The following CAMK1G variants were observed in gnomAD, a reference collection of about 807,000 sequenced individuals.
The protein encoded by CAMK1G is calcium/calmodulin-dependent protein kinase type 1G.
A neutral mutation model predicts 54.8 loss-of-function variants in CAMK1G; 27 were observed. The observed-to-expected ratio is 0.49, with a 90% CI of 0.36 to 0.68. The LOEUF (loss-of-function observed/expected upper bound fraction) is 0.68. Among genes scored for constraint, CAMK1G ranks in the 30% least tolerant of loss-of-function variants. The probability of loss-of-function intolerance (pLI) is 0.00; values close to 1 mark genes in which losing one functional copy is unlikely to be tolerated. For missense variants in CAMK1G, 512 were observed against 591.0 expected (o/e 0.87, Z 1.39); for synonymous variants, 238 against 224.9 (o/e 1.06, Z -0.52).
intron 1 of CAMK1G, 125 bp from the exon 2 acceptor site, chr1:209,594,830 G>T (rs1316354748): frequency 3.3e-6 from 2 of 597,696 alleles, no homozygotes; most frequent in African/African-American, 1.9e-5. Flanking sequence ...ATCCAGGTTT[G>T]CTCCTAATCC....
chr1:209,610,843 G>A (rs12403733), intron 9 of CAMK1G, among the ~76,000 whole-genome samples: 4,778 of 152,216 alleles, frequency 0.031, 286 homozygotes, highest in East Asian at 0.27. Context: ...TCTATTAGTA[G>A]TTGGCACAGT....
At position 209,600,179 on chromosome 1, in the gene CAMK1G, A is replaced by T. The variant is rs181686876; in HGVS notation, c.221+68A>T. On this transcript the variant is annotated intron_variant, in intron 3 of 12. Coordinates refer to ENST00000361322, the MANE Select transcript of CAMK1G (RefSeq NM_020439.3). Reference sequence around the variant, plus strand: ...ACATTTTCTTCACAAATTACCTTCAAAAAGGACTAGGACTGGATTTCTGCA... The same window carrying T: ...ACATTTTCTTCACAAATTACCTTCATAAAGGACTAGGACTGGATTTCTGCA... The T allele has an allele frequency of 5.1e-6, 8 of 1,568,380 alleles. No individual in the cohort carries two copies. The South Asian group carries it at 9.1e-5, about 18-fold the overall frequency.
intron 4 of CAMK1G, among the ~76,000 whole-genome samples, chr1:209,604,651 C>G (rs1376701232): frequency 1.3e-5 from 2 of 152,116 alleles, no homozygotes; most frequent in Non-Finnish European, 2.9e-5. Context: ...GACTGGAACC[C>G]CTGGCTCACG....
Position 209,606,331 on chromosome 1 carries a change from G to A in CAMK1G, c.447G>A (p.Leu149=), listed in dbSNP as rs1027660856. The part of the protein sequence containing the change: ...IVHRDLKPEN[L]LYLTPEENSK... ...TTTTTCTCCTACAGCCCGAAAACCT[G>A]CTTTACCTTACCCCTGAAGAGAACT... is the stretch of plus-strand genomic sequence containing the variant. Residue 149 remains leucine (L), a synonymous_variant, in exon 6 of 13, where the codon CTG becomes CTA. Transcript: ENST00000361322. The A allele has an allele frequency of 1.2e-6, 2 of 1,613,940 alleles. No homozygotes were observed. Among genetic ancestry groups the A allele is most frequent in the Non-Finnish European group, 1.7e-6 (2 of 1,179,904 alleles).
intron 3 of CAMK1G, among the ~76,000 whole-genome samples, chr1:209,600,399 C>G (rs1330560324): frequency 6.6e-6 from 1 of 151,818 alleles, no homozygotes; most frequent in Admixed American, 6.6e-5. Context: ...CAATTGAGGG[C>G]CAACATCAGG....
chr1:209,586,237 T>C (rs537014558), intron 1 of CAMK1G, among the ~76,000 whole-genome samples: 1 of 152,296 alleles, frequency 6.6e-6, no homozygotes, highest in South Asian at 2.1e-4. Flanking sequence ...GGGATTGGGC[T>C]TGAAGGCGGT....
intron 1 of CAMK1G, among the ~76,000 whole-genome samples, chr1:209,585,477 A>G (rs1038558905): frequency 6.6e-6 from 1 of 152,218 alleles, no homozygotes; most frequent in Non-Finnish European, 1.5e-5. Flanking sequence ...TTGGAATCCA[A>G]TTCAGTTGTA....
Position 209,595,093 on chromosome 1 carries a change from G to A in CAMK1G, c.92+18G>A, listed in dbSNP as rs1292851528. 1.3e-6 allele frequency: 2 copies of A among 1,598,276 alleles called. No individual in the cohort carries two copies. The highest frequency in any genetic ancestry group is 1.7e-6 in the Non-Finnish European group (2 of 1,165,940). On this transcript the variant is annotated intron_variant, in intron 2 of 12. Transcript: ENST00000361322. ...CTGGGATCGTAAGTCCTGGGGCTGT[G>A]AGGTCGGGTGGGCTGGGCTGCCTGC...
intron 2 of CAMK1G, among the ~76,000 whole-genome samples, chr1:209,596,966 T>C (rs963975652): frequency 6.6e-6 from 1 of 152,196 alleles, no homozygotes; most frequent in African/African-American, 2.4e-5. Context: ...TCTGGTGTTC[T>C]AATGTATCTA....
At chr1:209,608,455 A>G (rs1036714272) in intron 7 of CAMK1G, among the ~76,000 whole-genome samples, 1 of 151,648 alleles carries the variant, frequency 6.6e-6, no homozygotes, top group Non-Finnish European at 1.5e-5. Context: ...ATCCCTCCTC[A>G]CCTATAGCAA....
chr1:209,607,760 T>G, intron 6 of CAMK1G, 98 bp from the exon 7 acceptor site: 5 of 925,118 alleles, frequency 5.4e-6, no homozygotes, highest in South Asian at 1.6e-5. Context: ...CATCCCACAG[T>G]CTTCCCCAGA....
intron 2 of CAMK1G, among the ~76,000 whole-genome samples, chr1:209,598,341 C>T (rs972022098): frequency 1.3e-5 from 2 of 152,194 alleles, no homozygotes; most frequent in African/African-American, 4.8e-5. Flanking sequence ...GAGTGATCAC[C>T]ACCACCTAAA....
At chr1:209,590,081 C>G (rs1161483036) in intron 1 of CAMK1G, among the ~76,000 whole-genome samples, 1 of 152,172 alleles carries the variant, frequency 6.6e-6, no homozygotes, top group African/African-American at 2.4e-5. Flanking sequence ...AGCTTTGAAA[C>G]CCAATGGAAA....
chr1:209,605,276 AG>A (rs1435575359), intron 4 of CAMK1G, among the ~76,000 whole-genome samples: 1 of 152,166 alleles, frequency 6.6e-6, no homozygotes, highest in Non-Finnish European at 1.5e-5. Context: ...CCCAACCAGA[AG>A]CATTTACATT....
rs1414855596 is a variant in CAMK1G at position 209,611,794 on chromosome 1, A to G, written c.918A>G (p.Gln306=). The G allele has an allele frequency of 1.9e-6, 3 of 1,613,140 alleles. No individual in the cohort carries two copies. Among genetic ancestry groups the G allele is most frequent in the Non-Finnish European group, 2.5e-6 (3 of 1,179,592 alleles). The change falls in exon 11 of 13, where the codon CAA becomes CAG. Residue 306 remains glutamine (Q), a splice_region_variant and synonymous_variant. Transcript: ENST00000361322. The part of the protein sequence containing the change: ...QKNFAKSKWR[Q]AFNAAAVVHH... ...AGGCTGCTCTTGTGTCTCCTTAGCA[A>G]GCCTTCAACGCAGCAGCTGTGGTGC...
rs971177196 is a variant in CAMK1G at position 209,605,476 on chromosome 1, C to T, written c.297-60C>T. 4.4e-6 allele frequency: 7 copies of T among 1,579,770 alleles called. No individual in the cohort carries two copies. The African/African-American group carries it at 8.1e-5, about 18-fold the overall frequency. On this transcript the variant is annotated intron_variant, in intron 4 of 12. Transcript: ENST00000361322. ...GTCCCCCAAGGCTTCAAAGCAAACA[C>T]CTTCTCATTACTTTGAGTGAAATGA...
At position 209,611,517 on chromosome 1, in the gene CAMK1G, C is replaced by T. The variant is rs1324043676; in HGVS notation, c.880C>T (p.Gln294Ter). 6.2e-7 allele frequency: 1 copy of T among 1,614,198 alleles called. No homozygotes were observed. The highest frequency in any genetic ancestry group is 1.1e-5 in the South Asian group (1 of 91,090). The part of the protein sequence containing the change: ...HRDIYPSVSL[Q>*]IQKNFAKSKW... The stretch of plus-strand genomic sequence containing the variant: ...GGACATCTACCCATCAGTCAGCCTC[C>T]AGATCCAGAAGAACTTTGCTAAGAG... Residue 294 changes from glutamine to a stop codon, truncating the protein, a stop_gained, in exon 10 of 13, where the codon CAG becomes TAG. Transcript: ENST00000361322. LOFTEE classifies it high-confidence loss of function.
chr1:209,609,638 G>T (rs1665734188), intron 8 of CAMK1G, among the ~76,000 whole-genome samples: 1 of 152,238 alleles, frequency 6.6e-6, no homozygotes, highest in Admixed American at 6.5e-5. Context: ...GTGCTGTGTG[G>T]GTGAGGCGGC....
At chr1:209,588,296 T>C (rs1297380469) in intron 1 of CAMK1G, among the ~76,000 whole-genome samples, 1 of 152,186 alleles carries the variant, frequency 6.6e-6, no homozygotes, top group Non-Finnish European at 1.5e-5. Context: ...CTATGATTGT[T>C]CCTACACTGT....
Sources: allele counts gnomAD v4.1 joint callset (sites outside exome capture counted in the v4.1 genomes callset), GRCh38; gene constraint gnomAD v4.1.1; transcripts MANE v1.5; gene names NCBI Gene and HGNC (gene_info 2026-07-23, HGNC 2026-07-21).